PUM3: variants seen among roughly 807,000 people sequenced by gnomAD.
The protein encoded by PUM3 is pumilio homolog 3.
In PUM3, 91 loss-of-function variants were observed where a neutral mutation model predicts 84.0. The ratio of observed to expected loss-of-function variants is 1.08; its 90% confidence interval spans 0.91 to 1.29. The LOEUF (loss-of-function observed/expected upper bound fraction) is 1.29, where lower values mean the gene tolerates loss of function less well. Ranked by LOEUF, PUM3 falls within the 50% of genes most tolerant of loss-of-function variation. The pLI is 0.00. For synonymous variants in PUM3, 321 were observed against 266.7 expected, an observed-to-expected ratio of 1.20 and a Z score of -1.98; for missense variants, 1,067 against 767.5, an observed-to-expected ratio of 1.39 and a Z score of -4.61.
rs746346583 is a variant in PUM3 at position 2,828,798 on chromosome 9, T to C, written c.853-20A>G. On this transcript the variant is annotated intron_variant, in intron 8 of 17. Coordinates refer to ENST00000397885, the MANE Select transcript of PUM3 (RefSeq NM_014878.5). ...TGCTGACTGCAACAAAACAAAACAA[T>C]CAAACCCCTCTAAATTTAATCAATT... 9.5e-6 allele frequency: 12 copies of C among 1,269,626 alleles called. No individual in the cohort carries two copies. The highest frequency in any genetic ancestry group is 1.3e-5 in the Non-Finnish European group (11 of 871,162). 78.6% of individuals were successfully genotyped at this position (1,269,626 alleles called of 1,614,324 possible).
chr9:2,810,524 A>C (rs1325241835), intron 15 of PUM3, 93 bp from the exon 16 acceptor site: 2 of 831,978 alleles, frequency 2.4e-6, no homozygotes, highest in Non-Finnish European at 3.8e-6. Flanking sequence ...CACCACATAC[A>C]GATAAGGACT....
At chr9:2,824,843 G>A in intron 10 of PUM3, 28 bp from the exon 11 acceptor site, 1 of 1,429,220 alleles carries the variant, frequency 7.0e-7, no homozygotes, top group Non-Finnish European at 9.5e-7. Context: ...TCAGGAACAG[G>A]GCTCTGCTTT....
rs778879088 is a variant in PUM3 at position 2,837,239 on chromosome 9, A to C, written c.245T>G (p.Phe82Cys). The change falls in exon 3 of 18, where the codon TTC (phenylalanine) becomes TGC (cysteine). Residue 82 changes from phenylalanine (F) to cysteine (C), a missense_variant. Physicochemically the swap from Phe to Cys is radical, Grantham distance 205 (BLOSUM62 -2). Transcript: ENST00000397885. ...CTTGTTGAATTTATTTGCCGGCTGG[A>C]ATTTGTTCTTTGGTGATTTGTCCCC... ...QQGDKSPKNK[F>C]QPANKFNKKR... 6 of 1,613,926 alleles carry C rather than the reference A, an allele frequency of 3.7e-6. No homozygotes were observed. In the Admixed American group the frequency reaches 1.0e-4, roughly 27 times the overall value.
At chr9:2,827,034 C>T (rs1358744442) in intron 10 of PUM3, 39 bp downstream of exon 10, 2 of 1,520,304 alleles carry the variant, frequency 1.3e-6, no homozygotes, top group Non-Finnish European at 1.8e-6. Context: ...ACCGCTCCTC[C>T]TCCATGTTTT....
In PUM3 at chr9:2,829,982, TAGA is replaced by T. The variant is rs758068080; in HGVS notation, c.678-37_678-35del. The T allele has an allele frequency of 5.7e-6, 9 of 1,577,258 alleles. No homozygotes were observed. The East Asian group carries it at 1.4e-4, about 24-fold the overall frequency. On this transcript the variant is annotated intron_variant, in intron 7 of 17. Coordinates refer to ENST00000397885, the MANE Select transcript of PUM3 (RefSeq NM_014878.5). ...AACACAATCATGGAAAAATAAATGA[TAGA>T]AGGAGAAAGCTGGGTGACAATAAAA...
Position 2,836,692 on chromosome 9 carries a change from G to A in PUM3, c.304+488C>T, listed in dbSNP as rs151323204. Among the ~76,000 whole-genome samples the A allele has an allele frequency of 7.0e-3, 1,071 of 152,208 alleles. 16 individuals carry two copies. Among genetic ancestry groups the A allele is most frequent in the African/African-American group, 0.025 (1,018 of 41,534 alleles). On this transcript the variant is annotated intron_variant, in intron 3 of 17. Transcript: ENST00000397885. The stretch of plus-strand genomic sequence containing the variant: ...TGAAGGCAGGGTCTCTATGTTTCTT[G>A]CTCACCAAAGCATCCTTAACCAAGG...
Position 2,827,125 on chromosome 9 carries a change from A to AC in PUM3, c.982dup (p.Val328GlyfsTer3). On this transcript the variant is annotated frameshift_variant, in exon 10 of 18. Transcript: ENST00000397885. LOFTEE classifies it high-confidence loss of function. Reference sequence around the variant, plus strand: ...AAAAAAGTCCAAGAATACTTTATGCACCAATGAGTGCTTAATCACAGCTTC... The same window carrying AC: ...AAAAAAGTCCAAGAATACTTTATGCACCCAATGAGTGCTTAATCACAGCTTC... 6.2e-7 allele frequency: 1 copy of AC among 1,610,632 alleles called. No individual in the cohort carries two copies. Among genetic ancestry groups the AC allele is most frequent in the Non-Finnish European group, 8.5e-7 (1 of 1,178,844 alleles).
intron 1 of PUM3, among the ~76,000 whole-genome samples, chr9:2,839,471 G>C (rs183754831): frequency 1.5e-4 from 23 of 152,300 alleles, no homozygotes; most frequent in Admixed American, 1.5e-3. Flanking sequence ...ACAAGAATCA[G>C]CCCGTAAGAA....
chr9:2,827,160 A>T lies in PUM3; in HGVS notation c.957-9T>A. 1.2e-6 allele frequency: 2 copies of T among 1,600,184 alleles called. No homozygotes were observed. The highest frequency in any genetic ancestry group is 1.7e-4 in the Middle Eastern group (1 of 5,930). On this transcript the variant is annotated splice_polypyrimidine_tract_variant and intron_variant, in intron 9 of 17. Transcript: ENST00000397885. ...GCTTAATCACAGCTTCCCTGAAAAC[A>T]GAAAAAAAAAGCAAAAAGACACAAC...
At chr9:2,843,573 CTTTTTTTTTTTT>C (rs34837134) in intron 1 of PUM3, among the ~76,000 whole-genome samples, 1 of 96,400 alleles carries the variant, frequency 1.0e-5, no homozygotes, top group African/African-American at 4.1e-5. Flanking sequence ...TCCCGCCCTT[CTTTTTTTTTTTT>C]TTTTTTTTTT....
chr9:2,804,237 AC>A lies in PUM3; in HGVS notation c.*93del. ...AACACATATACAGAGTACCCCAATT[AC>A]CAGTATGGTGGACCCTACCCCTTCT... On this transcript the variant is annotated 3_prime_UTR_variant, in exon 18 of 18. Coordinates refer to ENST00000397885, the MANE Select transcript of PUM3 (RefSeq NM_014878.5). 2.5e-6 allele frequency: 3 copies of A among 1,223,546 alleles called. No homozygotes were observed. Among genetic ancestry groups the A allele is most frequent in the Non-Finnish European group, 3.5e-6 (3 of 869,078 alleles). 75.8% of individuals were successfully genotyped at this position (1,223,546 alleles called of 1,614,324 possible). A position where few individuals can be genotyped will look rare whatever the true frequency, so the allele number is the denominator to read the frequency against.
In PUM3 at chr9:2,809,838, C is replaced by T. The variant is rs185299212; in HGVS notation, c.1723+506G>A. On this transcript the variant is annotated intron_variant, in intron 16 of 17. Transcript: ENST00000397885. ...AAAACCAGAAAGCGCCAAAGACTGG[C>T]TTACTCTTTGGTCACATGTATTTCA... Among the ~76,000 whole-genome samples, 422 of 152,318 alleles carry T rather than the reference C, an allele frequency of 2.8e-3. 3 individuals are homozygous for T. The highest frequency in any genetic ancestry group is 9.7e-3 in the African/African-American group (402 of 41,580).
intron 16 of PUM3, among the ~76,000 whole-genome samples, chr9:2,808,375 T>C (rs1034788412): frequency 1.3e-5 from 2 of 152,228 alleles, no homozygotes; most frequent in African/African-American, 2.4e-5. Flanking sequence ...AAATGACTGT[T>C]CTAGCTTAAA....
chr9:2,834,628 G>C (rs56182397), intron 3 of PUM3, among the ~76,000 whole-genome samples: 13,395 of 152,082 alleles, frequency 0.088, 993 homozygotes, highest in African/African-American at 0.2. Flanking sequence ...ACAACAACTC[G>C]AAGAGGTAGG....
chr9:2,810,276 T>C, intron 16 of PUM3, 68 bp downstream of exon 16: 1 of 1,048,282 alleles, frequency 9.5e-7, no homozygotes, highest in East Asian at 2.4e-5. Flanking sequence ...TGGTATAAAG[T>C]TCAGGGATGC....
chr9:2,821,813 T>A (rs1010844473), intron 12 of PUM3, among the ~76,000 whole-genome samples: 2 of 152,180 alleles, frequency 1.3e-5, no homozygotes, highest in Non-Finnish European at 2.9e-5. Context: ...TATGAATATA[T>A]TCACTGGGGT....
chr9:2,805,708 G>A (rs1047800802), intron 17 of PUM3, among the ~76,000 whole-genome samples: 1 of 152,038 alleles, frequency 6.6e-6, no homozygotes, highest in Non-Finnish European at 1.5e-5. Context: ...CTGAGCATAT[G>A]CCACATATTA....
chr9:2,837,374 G>C lies in PUM3; in HGVS notation c.110C>G (p.Thr37Arg), dbSNP rs1816156145. The C allele has an allele frequency of 1.9e-6, 3 of 1,612,706 alleles. No homozygotes were observed. The Admixed American group carries it at 5.0e-5, about 27-fold the overall frequency. The change falls in exon 3 of 18, where the codon ACA becomes AGA. Residue 37 changes from threonine to arginine, a missense_variant. Transcript: ENST00000397885. ...TCCACCTTCTTTAGCAACTTTCCTTGTTGGAAATGTCTTTGAAGAACCAGA... is the reference window on the plus strand; with the variant it reads ...TCCACCTTCTTTAGCAACTTTCCTTCTTGGAAATGTCTTTGAAGAACCAGA... ...SDSGSSKTFP[T>R]RKVAKEGGPK...
intron 9 of PUM3, 181 bp downstream of exon 9, chr9:2,828,494 T>G: frequency 1.8e-6 from 1 of 552,190 alleles, no homozygotes; most frequent in Non-Finnish European, 3.2e-6. Flanking sequence ...GGGTACAATA[T>G]CAGAAAAAGA....
Sources: allele counts gnomAD v4.1 joint callset (sites outside exome capture counted in the v4.1 genomes callset), GRCh38; gene constraint gnomAD v4.1.1; transcripts MANE v1.5; gene names NCBI Gene and HGNC (gene_info 2026-07-23, HGNC 2026-07-21).